CRYBG2: variants seen among roughly 807,000 people sequenced by gnomAD.
The protein encoded by CRYBG2 is crystallin beta-gamma domain containing 2, also known as beta/gamma crystallin domain-containing protein 2.
Under a neutral mutation model 153.4 loss-of-function variants are expected in CRYBG2, and 106 were observed. The ratio of observed to expected loss-of-function variants is 0.69; its 90% CI spans 0.59 to 0.81. The LOEUF (loss-of-function observed/expected upper bound fraction) is 0.81. Among genes scored for constraint, CRYBG2 ranks in the 30% least tolerant of loss-of-function variants. The pLI is 0.00. For missense variants in CRYBG2, 1,996 were observed against 2,112.0 expected, an observed-to-expected ratio of 0.95 and a Z score of 1.08; for synonymous variants, 851 against 877.8, an observed-to-expected ratio of 0.97 and a Z score of 0.54.
At chr1:26,347,780 G>T (rs774094929) in intron 1 of CRYBG2, among the ~76,000 whole-genome samples, 2 of 152,006 alleles carry the variant, frequency 1.3e-5, no homozygotes, top group Admixed American at 6.6e-5. Context: ...GTGAGCCACC[G>T]TGCCCAGCCC....
In CRYBG2 at chr1:26,346,782, C is replaced by A; in HGVS notation, c.-55-70G>T. ...GGCTTCCTAAAGTGCAGAATAACCA[C>A]CCCTACCCAAGTCAGGCTGGGAACC... On this transcript the variant is annotated intron_variant, in intron 1 of 19. Transcript: ENST00000308182. The surrounding 1 kb of genome is among the most constrained non-coding windows in gnomAD (Gnocchi z 4.9). 4 of 1,051,736 alleles carry A rather than the reference C, an allele frequency of 3.8e-6. No homozygotes were observed. The highest frequency in any genetic ancestry group is 2.6e-5 in the East Asian group (1 of 37,788). The allele number at this position is 1,051,736 out of a possible 1,614,324, so 65.2% of individuals were successfully genotyped here.
At chr1:26,335,811 A>C (rs1305844680) in intron 14 of CRYBG2, among the ~76,000 whole-genome samples, 1 of 152,216 alleles carries the variant, frequency 6.6e-6, no homozygotes, top group East Asian at 1.9e-4. Context: ...TTAGAGACAC[A>C]CGTTGAAGTG....
At position 26,326,925 on chromosome 1, in the gene CRYBG2, T is replaced by G. The variant is rs559257820; in HGVS notation, c.4578+1284A>C. The G allele has an allele frequency of 3.7e-5, 18 of 489,158 alleles. No individual in the cohort carries two copies. In the East Asian group the frequency reaches 9.9e-4, roughly 27 times the overall value. The allele number at this position is 489,158 out of a possible 1,614,324, so 30.3% of individuals were successfully genotyped here. A position where few individuals can be genotyped will look rare whatever the true frequency, so the allele number is the denominator to read the frequency against. On this transcript the variant is annotated intron_variant, in intron 17 of 19. Coordinates refer to ENST00000308182, the MANE Select transcript of CRYBG2 (RefSeq NM_001039775.4). ...AACATGTCAGGAGGGCCTATGGTGG[T>G]TCCAGGTATGCTAAATGTGTTCGTG...
rs2073915766 is a variant in CRYBG2 at position 26,325,685 on chromosome 1, G to A, written c.4579-1375C>T. Among the ~76,000 whole-genome samples the A allele has an allele frequency of 6.6e-6, 1 of 151,852 alleles. No individual in the cohort carries two copies. Among genetic ancestry groups the A allele is most frequent in the Non-Finnish European group, 1.5e-5 (1 of 67,982 alleles). On this transcript the variant is annotated intron_variant, in intron 17 of 19. Transcript: ENST00000308182. The surrounding 1 kb of genome is among the most constrained non-coding windows in gnomAD (Gnocchi z 4.1). ...GATGCATGGACACAAATAACCTGAT[G>A]AGCACAGAAATACCCTCAGATGGGA... is the stretch of plus-strand genomic sequence containing the variant.
At chr1:26,328,105 C>T in intron 17 of CRYBG2, 104 bp downstream of exon 17, 1 of 1,443,328 alleles carries the variant, frequency 6.9e-7, no homozygotes, top group South Asian at 1.4e-5. Flanking sequence ...GACAAAAGTA[C>T]ACAAATGCTG....
chr1:26,338,695 A>T (rs548762938), intron 6 of CRYBG2, among the ~76,000 whole-genome samples: 1 of 152,256 alleles, frequency 6.6e-6, no homozygotes, highest in African/African-American at 2.4e-5. Context: ...TCTAGCATGC[A>T]TGGAAAACTG....
chr1:26,336,842 C>G lies in CRYBG2; in HGVS notation c.3910G>C (p.Val1304Leu). The G allele has an allele frequency of 1.9e-6, 3 of 1,591,064 alleles. No individual in the cohort carries two copies. Among genetic ancestry groups the G allele is most frequent in the Non-Finnish European group, 2.6e-6 (3 of 1,169,980 alleles). The change falls in exon 11 of 20, where the codon GTG becomes CTG. Residue 1304 changes from valine to leucine, a missense_variant and splice_region_variant. Physicochemically the swap from Val to Leu is conservative, Grantham distance 32. Coordinates refer to ENST00000308182, the MANE Select transcript of CRYBG2 (RefSeq NM_001039775.4). The surrounding 1 kb of genome is among the most constrained non-coding windows in gnomAD (Gnocchi z 4.9). ...STQAIHVLSGVWVAYQEVGFS... is the reference protein window; with the variant it reads ...STQAIHVLSGLWVAYQEVGFS... ...GCTCCCGGAGCCCGGGTCACTTACA[C>G]GCCGCTGAGCACGTGGATGGCCTGT... is the stretch of plus-strand genomic sequence containing the variant.
chr1:26,330,313 G>A (rs1175429506), intron 15 of CRYBG2, among the ~76,000 whole-genome samples: 1 of 151,988 alleles, frequency 6.6e-6, no homozygotes, highest in African/African-American at 2.4e-5. Context: ...CCCTAAAGCT[G>A]GGCTTCAGAA....
chr1:26,339,106 G>T (rs1334209501), intron 6 of CRYBG2, among the ~76,000 whole-genome samples, 184 bp downstream of exon 6: 1 of 152,160 alleles, frequency 6.6e-6, no homozygotes, highest in African/African-American at 2.4e-5. Flanking sequence ...GCCTCTCATG[G>T]TATGGTGTTT....
chr1:26,339,193 C>T, intron 6 of CRYBG2, 97 bp downstream of exon 6: 1 of 1,480,678 alleles, frequency 6.8e-7, no homozygotes, highest in Non-Finnish European at 9.1e-7. Flanking sequence ...GGACTGAGCA[C>T]TCCTGAAGGC....
At chr1:26,350,570 C>T (rs540670918) in intron 1 of CRYBG2, among the ~76,000 whole-genome samples, 39 of 152,200 alleles carry the variant, frequency 2.6e-4, no homozygotes, top group African/African-American at 8.4e-4. Flanking sequence ...ACAGAGTAAC[C>T]GAAACAAGAC....
chr1:26,346,072 C>T lies in CRYBG2; in HGVS notation c.586G>A (p.Val196Met). 2 of 1,583,164 alleles carry T rather than the reference C, an allele frequency of 1.3e-6. No homozygotes were observed. Among genetic ancestry groups the T allele is most frequent in the Non-Finnish European group, 1.7e-6 (2 of 1,170,124 alleles). Residue 196 changes from valine to methionine, a missense_variant, in exon 2 of 20, where the codon GTG becomes ATG. Physicochemically the swap from Val to Met is conservative, Grantham distance 21. Transcript: ENST00000308182. This position sits in a 1 kb window ranked among gnomAD's most constrained non-coding sequence, Gnocchi z 4.9. The stretch of plus-strand genomic sequence containing the variant: ...CCTGAGGACACTGGCCTCACAGTCA[C>T]AGAGCTGCTCATCCGCCGGTCCACA... ...GHVDRRMSSSVTVRPVSSGEA... is the reference protein window; with the variant it reads ...GHVDRRMSSSMTVRPVSSGEA...
intron 5 of CRYBG2, among the ~76,000 whole-genome samples, chr1:26,340,933 A>C (rs995015509): frequency 2.6e-5 from 4 of 151,118 alleles, no homozygotes; most frequent in Non-Finnish European, 5.9e-5. Context: ...GAGGCTTTGT[A>C]AACTATCCCC....
At chr1:26,350,346 G>A (rs2074273654) in intron 1 of CRYBG2, among the ~76,000 whole-genome samples, 1 of 152,106 alleles carries the variant, frequency 6.6e-6, no homozygotes, top group Non-Finnish European at 1.5e-5. Context: ...TTTACTAGTT[G>A]CAACAACAAC....
Position 26,336,698 on chromosome 1 carries a change from C to G in CRYBG2, c.3946G>C (p.Glu1316Gln). The G allele has an allele frequency of 1.9e-6, 3 of 1,573,360 alleles. No homozygotes were observed. The highest frequency in any genetic ancestry group is 1.4e-5 in the African/African-American group (1 of 74,034). The change falls in exon 12 of 20, where the codon GAA becomes CAA. Residue 1316 changes from glutamate (E) to glutamine (Q), a missense_variant. Transcript: ENST00000308182. The surrounding 1 kb of genome is among the most constrained non-coding windows in gnomAD (Gnocchi z 4.9). ...VAYQEVGFSGEQYVLEKGVYR... is the reference protein window; with the variant it reads ...VAYQEVGFSGQQYVLEKGVYR... The stretch of plus-strand genomic sequence containing the variant: ...ACGCCCTTCTCCAGCACGTACTGTT[C>G]CCCGGAGAAGCCCACCTCCTGGTAG...
Position 26,331,561 on chromosome 1 carries a change from G to T in CRYBG2, c.4242C>A (p.Gly1414=). The change falls in exon 15 of 20, where the codon GGC becomes GGA. Residue 1414 remains glycine, a synonymous_variant. Coordinates refer to ENST00000308182, the MANE Select transcript of CRYBG2 (RefSeq NM_001039775.4). ...FEGDQHILSE[G]EFPTLTAMGC... The stretch of plus-strand genomic sequence containing the variant: ...CCATGGCCGTGAGAGTGGGGAACTC[G>T]CCCTCAGAGAGAATGTGCTGGTCAC... 1.2e-6 allele frequency: 2 copies of T among 1,614,052 alleles called. No individual in the cohort carries two copies. The highest frequency in any genetic ancestry group is 1.7e-6 in the Non-Finnish European group (2 of 1,180,012).
In CRYBG2 at chr1:26,336,858, G is replaced by A. The variant is rs1443338113; in HGVS notation, c.3894C>T (p.Ile1298=). Residue 1298 remains isoleucine (I), a synonymous_variant, in exon 11 of 20, where the codon ATC becomes ATT. Transcript: ENST00000308182. This position sits in a 1 kb window ranked among gnomAD's most constrained non-coding sequence, Gnocchi z 4.9. ...LVQHGPSTQA[I]HVLSGVWVAY... ...TCACTTACACGCCGCTGAGCACGTG[G>A]ATGGCCTGTGTGCTGGGGCCGTGTT... is the stretch of plus-strand genomic sequence containing the variant. 19 of 1,602,194 alleles carry A rather than the reference G, an allele frequency of 1.2e-5. No homozygotes were observed. Among genetic ancestry groups the A allele is most frequent in the Non-Finnish European group, 1.4e-5 (17 of 1,175,184 alleles).
chr1:26,345,502 G>C lies in CRYBG2; in HGVS notation c.1156C>G (p.Leu386Val), dbSNP rs1234985752. The C allele has an allele frequency of 1.3e-6, 2 of 1,594,566 alleles. No individual in the cohort carries two copies. Among genetic ancestry groups the C allele is most frequent in the Admixed American group, 3.4e-5 (2 of 58,708 alleles). ...PTHPGARLTP[L>V]VLPPKKKDGP... is the part of the protein sequence containing the mutation. ...TCCTTTTTTTTAGGGGGCAGAACAA[G>C]GGGAGTGAGCCGGGCCCCGGGGTGA... Residue 386 changes from leucine to valine, a missense_variant, in exon 2 of 20, where the codon CTT becomes GTT. By Grantham distance (32) the Leu-to-Val change is conservative (BLOSUM62 1). Transcript: ENST00000308182.
chr1:26,337,595 T>C lies in CRYBG2; in HGVS notation c.3587A>G (p.Glu1196Gly). ...GGCCAGGTGGGGGCTCTGGCTGTCC[T>C]CTGGCTGCTGAAGGTTGTAGATGTC... The part of the protein sequence containing the change: ...SRDIYNLQQP[E>G]DSQSPHLASV... Residue 1196 changes from glutamate (E) to glycine (G), a missense_variant, in exon 9 of 20, where the codon GAG becomes GGG. Physicochemically the swap from Glu to Gly is moderately conservative, Grantham distance 98 (BLOSUM62 -2). Transcript: ENST00000308182. 1 of 1,613,268 alleles carries C rather than the reference T, an allele frequency of 6.2e-7. No individual in the cohort carries two copies. The highest frequency in any genetic ancestry group is 8.5e-7 in the Non-Finnish European group (1 of 1,179,958).
Sources: allele counts gnomAD v4.1 joint callset (sites outside exome capture counted in the v4.1 genomes callset), GRCh38; gene constraint gnomAD v4.1.1; non-coding constraint Gnocchi (gnomAD v3.1); transcripts MANE v1.5; gene names NCBI Gene and HGNC (gene_info 2026-07-23, HGNC 2026-07-21).